AHDC1: variants seen among roughly 807,000 people sequenced by gnomAD.
AHDC1 encodes the protein AT-hook DNA binding motif containing 1, also known as transcription factor Gibbin.
A neutral mutation model predicts 87.9 loss-of-function variants in AHDC1; 7 were observed. That is an observed-to-expected ratio of 0.08 (90% CI 0.05 to 0.15). The LOEUF is 0.15. Ranked by LOEUF, AHDC1 falls within the 10% of genes least tolerant of loss-of-function variation. AHDC1 has a pLI of 1.00. For missense variants in AHDC1, 1,841 were observed against 2,253.2 expected (o/e 0.82, Z 3.70); for synonymous variants, 1,051 against 1,006.8 (o/e 1.04, Z -0.83).
Position 27,562,806 on chromosome 1 carries a change from T to C in AHDC1, c.-628-3923A>G, listed in dbSNP as rs2020151915. Among the ~76,000 whole-genome samples, 1 of 152,120 alleles carries C rather than the reference T, an allele frequency of 6.6e-6. No individual in the cohort carries two copies. Among genetic ancestry groups the C allele is most frequent in the Non-Finnish European group, 1.5e-5 (1 of 68,014 alleles). On this transcript the variant is annotated intron_variant, in intron 3 of 8. Coordinates refer to ENST00000673934, the MANE Select transcript of AHDC1 (RefSeq NM_001371928.1). This position sits in a 1 kb window ranked among gnomAD's most constrained non-coding sequence, Gnocchi z 4.4. ...AGTGAGACACGAGCTCCCAAGTTAC[T>C]GACAACTTCCCAACAGCATGAGAGA...
chr1:27,578,682 A>G (rs1482829581), intron 3 of AHDC1, among the ~76,000 whole-genome samples: 1 of 151,642 alleles, frequency 6.6e-6, no homozygotes, highest in East Asian at 1.9e-4. Flanking sequence ...TGAAAATTTT[A>G]AATTACATAT....
chr1:27,551,369 G>A lies in AHDC1; in HGVS notation c.747C>T (p.Ala249=). The A allele has an allele frequency of 6.2e-7, 1 of 1,613,756 alleles. No homozygotes were observed. The highest frequency in any genetic ancestry group is 8.5e-7 in the Non-Finnish European group (1 of 1,179,946). ...LADADILSEL[A]SLTCPEAQLL... Reference sequence around the variant, plus strand: ...GCTGGGCCTCTGGGCAAGTGAGGGAGGCCAGCTCACTAAGGATGTCGGCGT... The same window carrying A: ...GCTGGGCCTCTGGGCAAGTGAGGGAAGCCAGCTCACTAAGGATGTCGGCGT... Residue 249 remains alanine (A), a synonymous_variant, in exon 8 of 9, where the codon GCC becomes GCT. Coordinates refer to ENST00000673934, the MANE Select transcript of AHDC1 (RefSeq NM_001371928.1).
At chr1:27,601,126 A>G (rs1295785444) in intron 3 of AHDC1, among the ~76,000 whole-genome samples, 1 of 152,232 alleles carries the variant, frequency 6.6e-6, no homozygotes, top group East Asian at 1.9e-4. Context: ...TACCTCAGCC[A>G]TAGATCACAT....
In AHDC1 at chr1:27,553,098, C is replaced by G. The variant is rs1480554131; in HGVS notation, c.-137G>C. ...CCTGGAAGAGAGAGGGCCCCCGTGC[C>G]TGGGGGCTCTGCCAGTCGCTGGCTG... On this transcript the variant is annotated 5_prime_UTR_variant, in exon 6 of 9. Coordinates refer to ENST00000673934, the MANE Select transcript of AHDC1 (RefSeq NM_001371928.1). 6.5e-6 allele frequency: 1 copy of G among 152,738 alleles called. No homozygotes were observed. Among genetic ancestry groups the G allele is most frequent in the East Asian group, 1.9e-4 (1 of 5,202 alleles). 9.5% of individuals were successfully genotyped at this position (152,738 alleles called of 1,614,324 possible).
At chr1:27,541,417 C>G (rs2018913174) in intron 8 of AHDC1, among the ~76,000 whole-genome samples, 1 of 151,878 alleles carries the variant, frequency 6.6e-6, no homozygotes, top group Non-Finnish European at 1.5e-5. Context: ...CTCCAGGGTT[C>G]AAGCAATTCT....
intron 8 of AHDC1, among the ~76,000 whole-genome samples, chr1:27,536,223 G>T (rs888232802): frequency 6.6e-6 from 1 of 152,208 alleles, no homozygotes; most frequent in Non-Finnish European, 1.5e-5. Context: ...TGTCTGCTGG[G>T]CAGTCAGCCC....
At chr1:27,586,395 C>A (rs550752453) in intron 3 of AHDC1, among the ~76,000 whole-genome samples, 212 of 152,198 alleles carry the variant, frequency 1.4e-3, no homozygotes, top group African/African-American at 4.8e-3. Flanking sequence ...CCTCCCTCTC[C>A]CCCACAGCTA....
In AHDC1 at chr1:27,548,689, G is replaced by A. The variant is rs760179924; in HGVS notation, c.3427C>T (p.Leu1143=). 101 of 1,613,260 alleles carry A rather than the reference G, an allele frequency of 6.3e-5. No homozygotes were observed. The highest frequency in any genetic ancestry group is 8.5e-5 in the Non-Finnish European group (100 of 1,180,046). Residue 1143 remains leucine, a synonymous_variant, in exon 8 of 9, where the codon CTG becomes TTG. Coordinates refer to ENST00000673934, the MANE Select transcript of AHDC1 (RefSeq NM_001371928.1). ...DCHVSEPNVI[L]DISNYTPQKV... is the part of the protein sequence containing the mutation. Reference sequence around the variant, plus strand: ...TGCGGTGTGTAGTTGGAGATGTCCAGGATCACGTTGGGCTCGCTGACGTGG... The same window carrying A: ...TGCGGTGTGTAGTTGGAGATGTCCAAGATCACGTTGGGCTCGCTGACGTGG...
chr1:27,591,395 G>C (rs893682948), intron 3 of AHDC1, among the ~76,000 whole-genome samples: 2 of 152,222 alleles, frequency 1.3e-5, no homozygotes, highest in African/African-American at 4.8e-5. Flanking sequence ...CTTGGGTGGT[G>C]ACTGCTCCTC....
rs757909215 is a variant in AHDC1, at chr1:27,547,604, G to A, written c.4512C>T (p.His1504=). 3 of 1,605,436 alleles carry A rather than the reference G, an allele frequency of 1.9e-6. No individual in the cohort carries two copies. Among genetic ancestry groups the A allele is most frequent in the Non-Finnish European group, 1.7e-6 (2 of 1,176,836 alleles). Reference sequence around the variant, plus strand: ...TGGGCGTGGCTGGTGGGCTAGCCAGGTGAGGGGCACTGAGGCACGCGGCCT... The same window carrying A: ...TGGGCGTGGCTGGTGGGCTAGCCAGATGAGGGGCACTGAGGCACGCGGCCT... ...RTEAACLSAP[H]LASPPATPKA... is the part of the protein sequence containing the mutation. Residue 1504 remains histidine, a synonymous_variant, in exon 8 of 9, where the codon CAC becomes CAT. Coordinates refer to ENST00000673934, the MANE Select transcript of AHDC1 (RefSeq NM_001371928.1). The surrounding 1 kb of genome is among the most constrained non-coding windows in gnomAD (Gnocchi z 4.9).
intron 3 of AHDC1, among the ~76,000 whole-genome samples, chr1:27,588,387 T>C (rs1013261443): frequency 6.6e-6 from 1 of 152,226 alleles, no homozygotes; most frequent in Non-Finnish European, 1.5e-5. Context: ...CCCCAGGGCT[T>C]AACTCATCAT....
intron 3 of AHDC1, among the ~76,000 whole-genome samples, chr1:27,585,009 C>G (rs1239040099): frequency 6.6e-6 from 1 of 151,980 alleles, no homozygotes; most frequent in Non-Finnish European, 1.5e-5. Context: ...CCTGTCTCTA[C>G]TAAAAATACA....
At chr1:27,559,776 C>G (rs960512744) in intron 3 of AHDC1, among the ~76,000 whole-genome samples, 2 of 152,350 alleles carry the variant, frequency 1.3e-5, no homozygotes, top group East Asian at 3.9e-4. Flanking sequence ...TCACCACCCC[C>G]CTGCTTCCTG....
intron 3 of AHDC1, among the ~76,000 whole-genome samples, chr1:27,597,840 T>A (rs1331000582): frequency 6.6e-6 from 1 of 151,850 alleles, no homozygotes; most frequent in Non-Finnish European, 1.5e-5. Flanking sequence ...AGCCTCCCCA[T>A]CTCTCTCCTT....
In AHDC1 at chr1:27,560,374, A is replaced by G. The variant is rs1571265739; in HGVS notation, c.-628-1491T>C. ...CTGCATCTCGCTGTGTCAGGAGCCAAACCGGCTCCTGCCTGTCTCAGAGCT... is the reference window on the plus strand; with the variant it reads ...CTGCATCTCGCTGTGTCAGGAGCCAGACCGGCTCCTGCCTGTCTCAGAGCT... On this transcript the variant is annotated intron_variant, in intron 3 of 8. Transcript: ENST00000673934. This position sits in a 1 kb window ranked among gnomAD's most constrained non-coding sequence, Gnocchi z 4.1. 6.6e-6 allele frequency among the ~76,000 whole-genome samples: 1 copy of G among 152,214 alleles called. No homozygotes were observed. Among genetic ancestry groups the G allele is most frequent in the Middle Eastern group, 3.4e-3 (1 of 294 alleles).
chr1:27,538,261 G>A (rs1006959321), intron 8 of AHDC1, among the ~76,000 whole-genome samples: 1 of 151,946 alleles, frequency 6.6e-6, no homozygotes, highest in Admixed American at 6.6e-5. Flanking sequence ...AACTAGCCAG[G>A]TGTGGTGGCA....
At chr1:27,557,019 C>T (rs2019848924) in intron 5 of AHDC1, among the ~76,000 whole-genome samples, 1 of 149,260 alleles carries the variant, frequency 6.7e-6, no homozygotes, top group Non-Finnish European at 1.5e-5. Context: ...GTGCACACCC[C>T]ACCCCACCCT....
At chr1:27,541,520 T>C (rs764646805) in intron 8 of AHDC1, among the ~76,000 whole-genome samples, 3 of 151,138 alleles carry the variant, frequency 2.0e-5, no homozygotes, top group African/African-American at 7.3e-5. Flanking sequence ...GGTTTCACCA[T>C]GTTGGCCAGG....
Position 27,552,098 on chromosome 1 carries a change from C to A in AHDC1, c.18G>T (p.Gln6His). The part of the protein sequence containing the change: MRVKP[Q>H]GLVVTSSAVC... ...CGGCACTGGAAGTCACCACCAGGCCCTGGGGCTTCACACGCATCCTGACCT... is the reference window on the plus strand; with the variant it reads ...CGGCACTGGAAGTCACCACCAGGCCATGGGGCTTCACACGCATCCTGACCT... The change falls in exon 8 of 9, where the codon CAG becomes CAT. Residue 6 changes from glutamine (Q) to histidine (H), a missense_variant. By Grantham distance (24) the Gln-to-His change is conservative (BLOSUM62 0). Around this residue, in one of 13 missense-constraint regions of AHDC1, gnomAD observed 142 missense variants for 165.6 expected, o/e 0.86. Transcript: ENST00000673934. 1 of 1,469,870 alleles carries A rather than the reference C, an allele frequency of 6.8e-7. No homozygotes were observed. The highest frequency in any genetic ancestry group is 9.0e-7 in the Non-Finnish European group (1 of 1,111,312). 91.1% of individuals were successfully genotyped at this position (1,469,870 alleles called of 1,614,324 possible). A position where few individuals can be genotyped will look rare whatever the true frequency, so the allele number is the denominator to read the frequency against.
Sources: gnomAD v4.1 joint callset for allele counts (sites outside exome capture counted in the v4.1 genomes callset) on GRCh38, gnomAD v4.1.1 for gene constraint, gnomAD v4.1.1 regional missense constraint, Gnocchi (gnomAD v3.1) non-coding constraint, MANE v1.5 for transcripts, NCBI Gene and HGNC (gene_info 2026-07-23, HGNC 2026-07-21) for gene names.